The following SLCO3A1 variants were observed in gnomAD, a reference collection of about 807,000 sequenced individuals.
SLCO3A1 encodes the protein solute carrier organic anion transporter family member 3A1.
Under a neutral mutation model 63.1 loss-of-function variants are expected in SLCO3A1, and 27 were observed. The ratio of observed to expected loss-of-function variants is 0.43; its 90% confidence interval spans 0.32 to 0.59. SLCO3A1 has a LOEUF of 0.59. SLCO3A1 is among the 20% of genes least tolerant of loss of function. The probability of loss-of-function intolerance (pLI) is 0.09; values close to 1 mark genes in which losing one functional copy is unlikely to be tolerated. For missense variants in SLCO3A1, 773 were observed against 945.8 expected (o/e 0.82, Z 2.40); for synonymous variants, 473 against 409.9 (o/e 1.15, Z -1.86).
chr15:92,142,240 A>C (rs1451182371), intron 7 of SLCO3A1, among the ~76,000 whole-genome samples: 2 of 152,146 alleles, frequency 1.3e-5, no homozygotes, highest in Non-Finnish European at 2.9e-5. Flanking sequence ...ATTCCTGTCT[A>C]TTCAGCATGG....
intron 2 of SLCO3A1, among the ~76,000 whole-genome samples, chr15:92,063,679 G>T (rs1019059980): frequency 9.2e-5 from 14 of 152,090 alleles, no homozygotes; most frequent in African/African-American, 1.2e-4. Flanking sequence ...GTGGAACCCT[G>T]TCTCTACTAA....
intron 2 of SLCO3A1, among the ~76,000 whole-genome samples, chr15:92,052,925 A>G (rs1460402210): frequency 6.6e-6 from 1 of 152,112 alleles, no homozygotes; most frequent in East Asian, 1.9e-4. Flanking sequence ...TTACTTTTAT[A>G]TTGTGGCTAC....
chr15:92,108,893 C>T (rs2047696538), intron 4 of SLCO3A1, among the ~76,000 whole-genome samples: 2 of 152,066 alleles, frequency 1.3e-5, no homozygotes, highest in Admixed American at 6.5e-5. Context: ...CCTCTGAGTT[C>T]CACAGAATCC....
chr15:92,051,532 A>G (rs1339332098), intron 2 of SLCO3A1, among the ~76,000 whole-genome samples: 2 of 152,100 alleles, frequency 1.3e-5, no homozygotes, highest in Non-Finnish European at 2.9e-5. Context: ...GATTTGGAAT[A>G]TTTTTATTCC....
intron 2 of SLCO3A1, among the ~76,000 whole-genome samples, chr15:92,005,083 T>G (rs1410016136): frequency 6.6e-6 from 1 of 152,228 alleles, no homozygotes; most frequent in Non-Finnish European, 1.5e-5. Flanking sequence ...GATATTTGCA[T>G]TGTTTATTTT....
In SLCO3A1 at chr15:91,941,586, C is replaced by T. The variant is rs1899623520; in HGVS notation, c.646+25128C>T. On this transcript the variant is annotated intron_variant, in intron 2 of 9. Coordinates refer to ENST00000318445, the MANE Select transcript of SLCO3A1 (RefSeq NM_013272.4). This position sits in a 1 kb window ranked among gnomAD's most constrained non-coding sequence, Gnocchi z 4.4. ...AGGTTTATTTCACTCAGTAAGTAATCTTTTCTCTTCCTTCGTCTTGGAGGT... is the reference window on the plus strand; with the variant it reads ...AGGTTTATTTCACTCAGTAAGTAATTTTTTCTCTTCCTTCGTCTTGGAGGT... 2.2e-6 allele frequency: 1 copy of T among 455,758 alleles called. No homozygotes were observed. Among genetic ancestry groups the T allele is most frequent in the Non-Finnish European group, 4.4e-6 (1 of 226,726 alleles). The allele number at this position is 455,758 out of a possible 1,614,324, so 28.2% of individuals were successfully genotyped here.
intron 2 of SLCO3A1, among the ~76,000 whole-genome samples, chr15:92,000,526 G>A (rs530826222): frequency 1.4e-5 from 2 of 138,696 alleles, no homozygotes; most frequent in South Asian, 4.9e-4. Flanking sequence ...TGTATTAAAT[G>A]CTGTTGAATG....
chr15:92,015,102 C>G (rs2046410758), intron 2 of SLCO3A1, among the ~76,000 whole-genome samples: 2 of 152,114 alleles, frequency 1.3e-5, no homozygotes, highest in Admixed American at 6.5e-5. Context: ...GGTGGGAGAG[C>G]TCTTTGGAGT....
chr15:91,992,295 A>T (rs555631256), intron 2 of SLCO3A1, among the ~76,000 whole-genome samples: 45 of 152,280 alleles, frequency 3.0e-4, no homozygotes, highest in Non-Finnish European at 5.3e-4. Flanking sequence ...GACTTAGCAA[A>T]TGCACTACGC....
downstream of SLCO3A1, chr15:92,165,918 C>G: frequency 1.0e-6 from 1 of 984,782 alleles, no homozygotes; most frequent in Non-Finnish European, 1.2e-6. Flanking sequence ...AGAGTTCTCT[C>G]TCTTCTGCTA....
chr15:92,150,158 G>A (rs577258414), intron 8 of SLCO3A1, among the ~76,000 whole-genome samples: 1 of 152,254 alleles, frequency 6.6e-6, no homozygotes, highest in South Asian at 2.1e-4. Flanking sequence ...TCCAATGTTC[G>A]AGGGCAGAAG....
chr15:92,163,178 C>G lies in SLCO3A1; in HGVS notation c.*43C>G, dbSNP rs372886223. On this transcript the variant is annotated 3_prime_UTR_variant, in exon 10 of 10. Transcript: ENST00000318445. ...AACTCTGTATTAGTAATCCAAGGGT[C>G]ATTTTTTTCTTAAAAAAAGAAAAAA... The G allele has an allele frequency of 1.1e-4, 154 of 1,411,798 alleles. No individual in the cohort carries two copies. Among genetic ancestry groups the G allele is most frequent in the Non-Finnish European group, 1.4e-4 (152 of 1,084,760 alleles). The allele number at this position is 1,411,798 out of a possible 1,614,324, so 87.5% of individuals were successfully genotyped here.
chr15:91,924,707 G>A (rs1407802471), intron 2 of SLCO3A1, among the ~76,000 whole-genome samples: 1 of 152,118 alleles, frequency 6.6e-6, no homozygotes, highest in African/African-American at 2.4e-5. Flanking sequence ...ACTGCTGAGC[G>A]GACCCACTCC....
chr15:91,870,279 C>G (rs746797328), intron 1 of SLCO3A1, among the ~76,000 whole-genome samples: 2 of 152,086 alleles, frequency 1.3e-5, no homozygotes, highest in African/African-American at 4.8e-5. Context: ...AATGTATGTT[C>G]TAAAAATAGC....
chr15:91,892,058 GA>G (rs1897883504), intron 1 of SLCO3A1, among the ~76,000 whole-genome samples: 1 of 152,174 alleles, frequency 6.6e-6, no homozygotes, highest in Admixed American at 6.5e-5. Context: ...GTATGACATT[GA>G]AAGGACAGGC....
In SLCO3A1 at chr15:91,928,429, C is replaced by T. The variant is rs542407071; in HGVS notation, c.646+11971C>T. Among the ~76,000 whole-genome samples the T allele has an allele frequency of 1.2e-4, 19 of 152,194 alleles. No homozygotes were observed. The East Asian group carries it at 1.9e-3, about 15-fold the overall frequency. On this transcript the variant is annotated intron_variant, in intron 2 of 9. Coordinates refer to ENST00000318445, the MANE Select transcript of SLCO3A1 (RefSeq NM_013272.4). ...AGGGTCATATGGTTAGTGAGTGGCA[C>T]GGCCCAAGCTACAGTCCGGTCTGGT...
At chr15:92,008,847 G>T (rs1012858638) in intron 2 of SLCO3A1, among the ~76,000 whole-genome samples, 1 of 152,160 alleles carries the variant, frequency 6.6e-6, no homozygotes, top group African/African-American at 2.4e-5. Context: ...AAGCAAATCT[G>T]CTTTGGATAG....
chr15:91,963,698 G>A (rs752838093), intron 2 of SLCO3A1, among the ~76,000 whole-genome samples: 5 of 152,106 alleles, frequency 3.3e-5, no homozygotes, highest in African/African-American at 4.8e-5. Context: ...GTTCAGATGT[G>A]TCAGGAGTTT....
At chr15:92,112,105 A>T (rs1416878655) in intron 4 of SLCO3A1, among the ~76,000 whole-genome samples, 3 of 152,204 alleles carry the variant, frequency 2.0e-5, no homozygotes, top group African/African-American at 7.2e-5. Context: ...ACTTGATTAA[A>T]GATTGTAGCA....
Sources: gnomAD v4.1 joint callset for allele counts (sites outside exome capture counted in the v4.1 genomes callset) on GRCh38, gnomAD v4.1.1 for gene constraint, Gnocchi (gnomAD v3.1) non-coding constraint, MANE v1.5 for transcripts, NCBI Gene and HGNC (gene_info 2026-07-23, HGNC 2026-07-21) for gene names.